The following ELOC variants were observed in gnomAD, a reference collection of about 807,000 sequenced individuals.
The protein encoded by ELOC is elongin-C.
For missense variants in ELOC, 38 were observed against 139.0 expected (o/e 0.27, Z 3.65); for synonymous variants, 40 against 51.3 (o/e 0.78, Z 0.94).
intron 2 of ELOC, among the ~76,000 whole-genome samples, chr8:73,958,586 C>G (rs1814367960): frequency 6.6e-6 from 1 of 152,088 alleles, no homozygotes; most frequent in South Asian, 2.1e-4. Flanking sequence ...AAATTACAGA[C>G]TATTCAAGCA....
chr8:73,963,085 G>A (rs915436382), intron 1 of ELOC, among the ~76,000 whole-genome samples: 2 of 152,194 alleles, frequency 1.3e-5, no homozygotes, highest in Non-Finnish European at 2.9e-5. Context: ...GCAGAAGAAA[G>A]AGCATGAACA....
chr8:73,952,650 G>A (rs571457579), intron 3 of ELOC, among the ~76,000 whole-genome samples: 3 of 150,902 alleles, frequency 2.0e-5, no homozygotes, highest in African/African-American at 4.9e-5. Flanking sequence ...GTGTGGTGGC[G>A]GGCGCCTGTG....
intron 2 of ELOC, among the ~76,000 whole-genome samples, chr8:73,957,270 C>A (rs899283043): frequency 3.3e-5 from 5 of 151,678 alleles, no homozygotes; most frequent in African/African-American, 1.2e-4. Context: ...TAAAAAAACC[C>A]AAAGCTGACA....
At chr8:73,957,652 CCAGA>C (rs1472535274) in intron 2 of ELOC, among the ~76,000 whole-genome samples, 1 of 152,004 alleles carries the variant, frequency 6.6e-6, no homozygotes, top group African/African-American at 2.4e-5. Context: ...AAGAAAACAA[CCAGA>C]CAAATTAAAA....
chr8:73,954,801 G>GC, intron 3 of ELOC, among the ~76,000 whole-genome samples: 1 of 151,994 alleles, frequency 6.6e-6, no homozygotes, highest in East Asian at 1.9e-4. Context: ...GGAGGCTGAG[G>GC]CGGGTGCACT....
intron 1 of ELOC, among the ~76,000 whole-genome samples, chr8:73,964,071 C>A (rs950727003): frequency 9.3e-6 from 1 of 107,782 alleles, no homozygotes. Flanking sequence ...CCAGCCTGGG[C>A]GATAAGAGTG....
intron 1 of ELOC, among the ~76,000 whole-genome samples, chr8:73,971,284 C>A (rs1256749740): frequency 2.0e-5 from 3 of 152,002 alleles, no homozygotes; most frequent in Non-Finnish European, 4.4e-5. Context: ...CGCCTTGGTC[C>A]CAGCTACGTG....
intron 1 of ELOC, among the ~76,000 whole-genome samples, chr8:73,967,541 C>T (rs1175706130): frequency 1.3e-5 from 2 of 149,618 alleles, no homozygotes; most frequent in African/African-American, 4.9e-5. Flanking sequence ...AACCTTGGCT[C>T]ACTGCAACCT....
rs1024431433 is a variant in ELOC at position 73,949,477 on chromosome 8, A to G, written c.149-2657T>C. On this transcript the variant is annotated intron_variant, in intron 3 of 3. Transcript: ENST00000520242. ...TTTAGTATATTTACAATGTTGTGCAACTATCCCTTCTATTTAGTTCCAAAA... is the reference window on the plus strand; with the variant it reads ...TTTAGTATATTTACAATGTTGTGCAGCTATCCCTTCTATTTAGTTCCAAAA... Among the ~76,000 whole-genome samples, 40 of 152,234 alleles carry G rather than the reference A, an allele frequency of 2.6e-4. 2 individuals are homozygous for G.
intron 1 of ELOC, among the ~76,000 whole-genome samples, chr8:73,960,836 G>A (rs1425912021): frequency 6.6e-6 from 1 of 152,148 alleles, no homozygotes. Context: ...ACAGGGCTGG[G>A]TGCAGTGGCT....
At chr8:73,959,475 A>G (rs1814444112) in intron 2 of ELOC, among the ~76,000 whole-genome samples, 1 of 152,180 alleles carries the variant, frequency 6.6e-6, no homozygotes, top group Non-Finnish European at 1.5e-5. Context: ...AGATACAATC[A>G]CACATTAGCC....
chr8:73,956,821 G>A (rs1027889040), intron 2 of ELOC, among the ~76,000 whole-genome samples: 2 of 152,096 alleles, frequency 1.3e-5, no homozygotes, highest in African/African-American at 4.8e-5. Flanking sequence ...CTTTTACTCA[G>A]CATTTCACAC....
chr8:73,962,496 G>T (rs181965062), intron 1 of ELOC, among the ~76,000 whole-genome samples: 1 of 151,430 alleles, frequency 6.6e-6, no homozygotes, highest in South Asian at 2.1e-4. Context: ...ATGATACTAC[G>T]CAATTTAAAA....
At position 73,956,055 on chromosome 8, in the gene ELOC, CTAAAG is replaced by C. The variant is rs1448166333; in HGVS notation, c.5-6_5-2del. The C allele has an allele frequency of 3.7e-6, 6 of 1,610,718 alleles. No individual in the cohort carries two copies. The highest frequency in any genetic ancestry group is 1.7e-5 in the Admixed American group (1 of 59,660). On this transcript the variant is annotated splice_acceptor_variant and splice_polypyrimidine_tract_variant and intron_variant, in intron 2 of 3. Transcript: ENST00000520242. LOFTEE classifies it high-confidence loss of function. Reference sequence around the variant, plus strand: ...CCACCATAGGTTTTCTCCTCTCCATCTAAAGTAAAGTAAGTAGTGAAACAATTTTT... The same window carrying C: ...CCACCATAGGTTTTCTCCTCTCCATCTAAAGTAAGTAGTGAAACAATTTTT...
chr8:73,948,732 G>A (rs745418158), intron 3 of ELOC, among the ~76,000 whole-genome samples: 1 of 152,214 alleles, frequency 6.6e-6, no homozygotes, highest in Non-Finnish European at 1.5e-5. Context: ...CTACTGGGGA[G>A]GCTCAGGTGG....
intron 1 of ELOC, among the ~76,000 whole-genome samples, chr8:73,966,964 G>A (rs900122076): frequency 5.9e-5 from 9 of 152,202 alleles, no homozygotes; most frequent in African/African-American, 1.9e-4. Context: ...ATGTCACTGC[G>A]GGAGAACTAA....
At position 73,946,920 on chromosome 8, in the gene ELOC, T is replaced by G. The variant is rs149383004; in HGVS notation, c.149-100A>C. 2.4e-4 allele frequency: 235 copies of G among 974,370 alleles called. No homozygotes were observed. The African/African-American group carries it at 3.5e-3, about 14-fold the overall frequency. The allele number at this position is 974,370 out of a possible 1,614,324, so 60.4% of individuals were successfully genotyped here. A position where few individuals can be genotyped will look rare whatever the true frequency, so the allele number is the denominator to read the frequency against. ...CTTGTACCACAGAATGTGGCTGTAT[T>G]TAGAGATAAGTTCTTTAAAGAGGTA... is the stretch of plus-strand genomic sequence containing the variant. On this transcript the variant is annotated intron_variant, in intron 3 of 3. Coordinates refer to ENST00000520242, the MANE Select transcript of ELOC (RefSeq NM_005648.4).
chr8:73,948,392 G>A (rs1278205978), intron 3 of ELOC, among the ~76,000 whole-genome samples: 4 of 152,094 alleles, frequency 2.6e-5, no homozygotes, highest in Admixed American at 2.6e-4. Flanking sequence ...TAGGATCCCT[G>A]TGTTGTACTG....
chr8:73,966,382 T>C (rs1272739859), intron 1 of ELOC, among the ~76,000 whole-genome samples: 1 of 151,840 alleles, frequency 6.6e-6, no homozygotes, highest in Non-Finnish European at 1.5e-5. Context: ...GAAGAGAGTG[T>C]AGGAAGATAG....
Sources: allele counts gnomAD v4.1 joint callset (sites outside exome capture counted in the v4.1 genomes callset), GRCh38; gene constraint gnomAD v4.1.1; transcripts MANE v1.5; gene names NCBI Gene and HGNC (gene_info 2026-07-23, HGNC 2026-07-21).